TET3: variants seen among roughly 807,000 people sequenced by gnomAD.
The protein encoded by TET3 is tet methylcytosine dioxygenase 3, also known as methylcytosine dioxygenase TET3.
TET3 carries 19 observed loss-of-function variants against 141.4 expected under a neutral mutation model. The ratio of observed to expected loss-of-function variants is 0.13; its 90% CI spans 0.09 to 0.20. The LOEUF (loss-of-function observed/expected upper bound fraction) is 0.20, where lower values mean the gene tolerates loss of function less well. Among genes scored for constraint, TET3 ranks in the 10% least tolerant of loss-of-function variants. The pLI, the probability that TET3 is intolerant of heterozygous loss-of-function variation, is 1.00. For synonymous variants in TET3, 1,043 were observed against 980.9 expected (o/e 1.06, Z -1.18); for missense variants, 1,874 against 2,356.9 (o/e 0.80, Z 4.24).
At chr2:73,994,162 C>T (rs1264841966) in intron 2 of TET3, among the ~76,000 whole-genome samples, 1 of 152,152 alleles carries the variant, frequency 6.6e-6, no homozygotes, top group African/African-American at 2.4e-5. Flanking sequence ...CGAACTCTGG[C>T]TTCCTAGCAG....
intron 2 of TET3, among the ~76,000 whole-genome samples, chr2:73,992,189 G>C (rs1684360459): frequency 6.6e-6 from 1 of 152,172 alleles, no homozygotes; most frequent in Non-Finnish European, 1.5e-5. Flanking sequence ...TGTGGTGTCA[G>C]AAGATATAAC....
chr2:74,012,166 GCCC>G (rs1281788816), intron 3 of TET3, among the ~76,000 whole-genome samples: 1 of 152,018 alleles, frequency 6.6e-6, no homozygotes, highest in Non-Finnish European at 1.5e-5. Context: ...TTACCATGTT[GCCC>G]AGGCTGGTCT....
chr2:74,083,852 C>T (rs1689966254), intron 6 of TET3, among the ~76,000 whole-genome samples: 2 of 152,184 alleles, frequency 1.3e-5, no homozygotes, highest in Admixed American at 6.5e-5. Flanking sequence ...CTCTGAATGC[C>T]TCACACATGA....
chr2:74,016,982 A>G (rs938537507), intron 3 of TET3, among the ~76,000 whole-genome samples: 1 of 152,030 alleles, frequency 6.6e-6, no homozygotes, highest in Non-Finnish European at 1.5e-5. Context: ...TTACTCTTCT[A>G]GCTATTTGAA....
At chr2:74,089,407 A>C (rs1021363604) in intron 7 of TET3, among the ~76,000 whole-genome samples, 1 of 152,146 alleles carries the variant, frequency 6.6e-6, no homozygotes, top group Non-Finnish European at 1.5e-5. Flanking sequence ...TCCCCCAGTT[A>C]GGGGCACTTG....
rs924613444 is a variant in TET3 at position 74,003,098 on chromosome 2, C to T, written c.304-12C>T. The T allele has an allele frequency of 6.4e-7, 1 of 1,550,406 alleles. No individual in the cohort carries two copies. On this transcript the variant is annotated splice_polypyrimidine_tract_variant and intron_variant, in intron 2 of 11. Coordinates refer to ENST00000409262, the MANE Select transcript of TET3 (RefSeq NM_001287491.2). ...CCGCCTGGCTCACACGTTCCTCTGG[C>T]TTCTTTTGCAGGTGGAAATAAAGGC...
chr2:74,026,078 T>TC (rs1477309142), intron 3 of TET3, among the ~76,000 whole-genome samples: 1 of 152,060 alleles, frequency 6.6e-6, no homozygotes, highest in Non-Finnish European at 1.5e-5. Context: ...AGGGCCCAGC[T>TC]CCCCAGGAAG....
At chr2:74,127,731 C>T in the TET3 span, among the ~76,000 whole-genome samples, 174 of 150,690 alleles carry the variant, frequency 1.2e-3, no homozygotes, top group African/African-American at 4.1e-3. Context: ...AAATTTGATT[C>T]GGAAAAATAG....
At chr2:74,078,988 G>A (rs1689660019) in intron 5 of TET3, among the ~76,000 whole-genome samples, 1 of 152,226 alleles carries the variant, frequency 6.6e-6, no homozygotes, top group Non-Finnish European at 1.5e-5. Flanking sequence ...TTCATGCTCA[G>A]TGATGAATTG....
chr2:74,065,763 T>C (rs1440317341), intron 4 of TET3, among the ~76,000 whole-genome samples: 2 of 151,492 alleles, frequency 1.3e-5, no homozygotes, highest in African/African-American at 4.9e-5. Context: ...TCTTCTCTTT[T>C]GTTTTTTCTT....
chr2:74,119,326 C>G, the TET3 span, among the ~76,000 whole-genome samples: 13 of 148,874 alleles, frequency 8.7e-5, no homozygotes, highest in Admixed American at 8.1e-4. Context: ...GCACTTCAGC[C>G]TGGGAGACAG....
downstream of TET3, among the ~76,000 whole-genome samples, chr2:74,111,137 A>G (rs1362975812): frequency 6.6e-6 from 1 of 152,194 alleles, no homozygotes; most frequent in Non-Finnish European, 1.5e-5. Flanking sequence ...CCATTGTCCC[A>G]GGACCCTGCC....
chr2:74,030,838 T>C (rs184529335), intron 3 of TET3, among the ~76,000 whole-genome samples: 1 of 152,282 alleles, frequency 6.6e-6, no homozygotes, highest in African/African-American at 2.4e-5. Flanking sequence ...AAGGCAGATC[T>C]GAAATGCTCT....
At chr2:74,029,628 ATAGT>A (rs1686562566) in intron 3 of TET3, among the ~76,000 whole-genome samples, 1 of 152,236 alleles carries the variant, frequency 6.6e-6, no homozygotes, top group Non-Finnish European at 1.5e-5. Context: ...AATACAAACT[ATAGT>A]CATCTTTAGG....
chr2:74,000,216 C>G (rs545517993), intron 2 of TET3, among the ~76,000 whole-genome samples: 101 of 152,302 alleles, frequency 6.6e-4, no homozygotes, highest in Admixed American at 1.5e-3. Flanking sequence ...AGAAGGCTGA[C>G]CAGAAGAGGG....
chr2:74,011,244 A>T (rs956213135), intron 3 of TET3, among the ~76,000 whole-genome samples: 1 of 151,812 alleles, frequency 6.6e-6, no homozygotes, highest in Non-Finnish European at 1.5e-5. Context: ...AAAAAAAAAA[A>T]AACACTTTAA....
the TET3 span, among the ~76,000 whole-genome samples, chr2:74,119,693 A>G: frequency 6.6e-6 from 1 of 152,318 alleles, no homozygotes; most frequent in Non-Finnish European, 1.5e-5. Context: ...TCTTTCACCT[A>G]ATAGTTTCAG....
chr2:74,036,629 G>A (rs546511598), intron 3 of TET3, among the ~76,000 whole-genome samples: 1 of 152,304 alleles, frequency 6.6e-6, no homozygotes, highest in African/African-American at 2.4e-5. Flanking sequence ...TCTGTGTTTA[G>A]TGTCCTTATC....
At position 74,087,505 on chromosome 2, in the gene TET3, T is replaced by C. The variant is rs1450836267; in HGVS notation, c.2680-325T>C. ...ATAAAAATCTGACTGTATTTTGGCT[T>C]ACAATTTTTATCTGTGTATTTTTAC... On this transcript the variant is annotated intron_variant, in intron 6 of 11. Coordinates refer to ENST00000409262, the MANE Select transcript of TET3 (RefSeq NM_001287491.2). This position sits in a 1 kb window ranked among gnomAD's most constrained non-coding sequence, Gnocchi z 4.3. Among the ~76,000 whole-genome samples the C allele has an allele frequency of 6.6e-6, 1 of 152,224 alleles. No homozygotes were observed. The highest frequency in any genetic ancestry group is 1.5e-5 in the Non-Finnish European group (1 of 68,036).
Sources: gnomAD v4.1 joint callset for allele counts (sites outside exome capture counted in the v4.1 genomes callset) on GRCh38, gnomAD v4.1.1 for gene constraint, Gnocchi (gnomAD v3.1) non-coding constraint, MANE v1.5 for transcripts, NCBI Gene and HGNC (gene_info 2026-07-23, HGNC 2026-07-21) for gene names.